The following STARD13 variants were observed in gnomAD, a reference collection of about 807,000 sequenced individuals.
The protein encoded by STARD13 is stAR-related lipid transfer protein 13.
A neutral mutation model predicts 106.4 loss-of-function variants in STARD13; 62 were observed. The ratio of observed to expected loss-of-function variants is 0.58; its 90% CI spans 0.48 to 0.72. STARD13 has a LOEUF of 0.72. Among genes scored for constraint, STARD13 ranks in the 30% least tolerant of loss-of-function variants. The pLI, the probability that STARD13 is intolerant of heterozygous loss-of-function variation, is 0.00. For synonymous variants in STARD13, 565 were observed against 553.0 expected, an observed-to-expected ratio of 1.02 and a Z score of -0.31; for missense variants, 1,387 against 1,424.0, an observed-to-expected ratio of 0.97 and a Z score of 0.42.
chr13:33,577,491 T>C, the STARD13 span, among the ~76,000 whole-genome samples: 1 of 152,174 alleles, frequency 6.6e-6, no homozygotes, highest in East Asian at 1.9e-4. Flanking sequence ...CCAATAATGC[T>C]ATGAGGTAAA....
the STARD13 span, among the ~76,000 whole-genome samples, chr13:33,436,470 T>C: frequency 6.6e-6 from 1 of 152,200 alleles, no homozygotes; most frequent in East Asian, 1.9e-4. Flanking sequence ...TTGGGTTAAT[T>C]TTATAGTATG....
chr13:33,601,315 T>A, the STARD13 span, among the ~76,000 whole-genome samples: 2 of 151,862 alleles, frequency 1.3e-5, no homozygotes, highest in Non-Finnish European at 2.9e-5. Flanking sequence ...TTTAATGCAA[T>A]CACTTTCAAT....
chr13:33,410,376 G>T, the STARD13 span, among the ~76,000 whole-genome samples: 13 of 152,224 alleles, frequency 8.5e-5, 1 homozygote, highest in Admixed American at 7.9e-4. Context: ...GAGGTTAATA[G>T]TATGGAATGG....
At chr13:33,378,797 C>CAAAAAAAAAA in the STARD13 span, among the ~76,000 whole-genome samples, 1 of 104,664 alleles carries the variant, frequency 9.6e-6, no homozygotes, top group Non-Finnish European at 2.1e-5. Flanking sequence ...CTCAAAAAAA[C>CAAAAAAAAAA]AAAAAAAAAA....
chr13:33,107,204 C>T (rs1873869458), intron 12 of STARD13, among the ~76,000 whole-genome samples: 1 of 152,244 alleles, frequency 6.6e-6, no homozygotes, highest in African/African-American at 2.4e-5. Flanking sequence ...CTCTGCTTAG[C>T]TGCAGAGGCT....
chr13:33,261,907 G>A (rs969987503), intron 1 of STARD13, among the ~76,000 whole-genome samples: 1 of 152,190 alleles, frequency 6.6e-6, no homozygotes, highest in Non-Finnish European at 1.5e-5. Context: ...AGGCAGGGCA[G>A]CCCATTCCTT....
the STARD13 span, among the ~76,000 whole-genome samples, chr13:33,364,160 T>C: frequency 6.6e-6 from 1 of 152,042 alleles, no homozygotes; most frequent in African/African-American, 2.4e-5. Context: ...AAACTAATGC[T>C]ATCATAGATT....
At chr13:33,245,226 T>C (rs1368904674) in intron 1 of STARD13, among the ~76,000 whole-genome samples, 1 of 152,230 alleles carries the variant, frequency 6.6e-6, no homozygotes, top group Non-Finnish European at 1.5e-5. Flanking sequence ...AATAAAATAA[T>C]TTATAAACTC....
the STARD13 span, among the ~76,000 whole-genome samples, chr13:33,659,428 A>C: frequency 1.3e-5 from 2 of 152,016 alleles, no homozygotes; most frequent in Non-Finnish European, 2.9e-5. Flanking sequence ...GTTGGCCAGG[A>C]TGGTCTCAAT....
the STARD13 span, among the ~76,000 whole-genome samples, chr13:33,543,551 G>A: frequency 2.0e-4 from 31 of 152,308 alleles, no homozygotes; most frequent in East Asian, 5.8e-3. Context: ...GAATGGTGCT[G>A]TGGATATCAA....
chr13:33,628,110 A>G, the STARD13 span, among the ~76,000 whole-genome samples: 747 of 151,240 alleles, frequency 4.9e-3, 7 homozygotes, highest in Middle Eastern at 0.051. Flanking sequence ...GTTGGGATAA[A>G]TATATCTTTT....
At chr13:33,131,405 T>C (rs566634321) in intron 4 of STARD13, among the ~76,000 whole-genome samples, 48 of 150,802 alleles carry the variant, frequency 3.2e-4, no homozygotes, top group African/African-American at 1.1e-3. Context: ...TAAATAGCTT[T>C]CCACAGTGTA....
chr13:33,261,153 A>G (rs1890621295), intron 1 of STARD13, among the ~76,000 whole-genome samples: 2 of 152,184 alleles, frequency 1.3e-5, no homozygotes, highest in Admixed American at 6.5e-5. Context: ...ATTTAGCTCA[A>G]TGGTTCTCAT....
intron 4 of STARD13, among the ~76,000 whole-genome samples, chr13:33,134,976 A>G (rs543189412): frequency 6.6e-6 from 1 of 152,374 alleles, no homozygotes; most frequent in African/African-American, 2.4e-5. Flanking sequence ...CTTAGGATGC[A>G]TGACCAGAGC....
chr13:33,401,231 TA>T, the STARD13 span, among the ~76,000 whole-genome samples: 1 of 152,196 alleles, frequency 6.6e-6, no homozygotes, highest in South Asian at 2.1e-4. Flanking sequence ...ATTATTTATT[TA>T]AACATTTTTT....
the STARD13 span, among the ~76,000 whole-genome samples, chr13:33,592,350 A>G: frequency 6.6e-6 from 1 of 152,218 alleles, no homozygotes; most frequent in Non-Finnish European, 1.5e-5. Context: ...TATTTGTTTT[A>G]GCCATAAAAA....
intron 1 of STARD13, among the ~76,000 whole-genome samples, chr13:33,203,616 C>A (rs948761883): frequency 1.6e-4 from 25 of 151,852 alleles, no homozygotes; most frequent in African/African-American, 5.6e-4. Context: ...TAAAGTTCAA[C>A]CTGTTTGAGG....
the STARD13 span, among the ~76,000 whole-genome samples, chr13:33,585,054 G>A: frequency 2.6e-5 from 4 of 152,126 alleles, no homozygotes; most frequent in Non-Finnish European, 5.9e-5. Flanking sequence ...TCCAGTCTCA[G>A]GTATTTCTTT....
chr13:33,181,267 T>TACACAC (rs67752465), intron 1 of STARD13, among the ~76,000 whole-genome samples: 3,464 of 142,378 alleles, frequency 0.024, 84 homozygotes, highest in African/African-American at 0.068. Flanking sequence ...CACTCACACA[T>TACACAC]ACATACACAC....
Sources: gnomAD v4.1 joint callset for allele counts (sites outside exome capture counted in the v4.1 genomes callset) on GRCh38, gnomAD v4.1.1 for gene constraint, MANE v1.5 for transcripts, NCBI Gene and HGNC (gene_info 2026-07-23, HGNC 2026-07-21) for gene names.